Variants in FTO observed in about 807,000 individuals in gnomAD.
FTO encodes the protein FTO alpha-ketoglutarate dependent dioxygenase.
In FTO, 47 loss-of-function variants were observed where a neutral mutation model predicts 63.9. The observed-to-expected ratio is 0.74, with a 90% CI of 0.58 to 0.94. The LOEUF (loss-of-function observed/expected upper bound fraction) is 0.94, where lower values mean the gene tolerates loss of function less well. Among genes scored for constraint, FTO ranks in the 40% least tolerant of loss-of-function variants. The pLI, the probability that FTO is intolerant of heterozygous loss-of-function variation, is 0.00. For missense variants in FTO, 562 were observed against 618.1 expected, an observed-to-expected ratio of 0.91 and a Z score of 0.96; for synonymous variants, 207 against 224.4, an observed-to-expected ratio of 0.92 and a Z score of 0.69.
At chr16:53,901,311 A>G (rs578014788) in intron 7 of FTO, among the ~76,000 whole-genome samples, 110 of 152,252 alleles carry the variant, frequency 7.2e-4, no homozygotes, top group Non-Finnish European at 1.5e-3. Flanking sequence ...ACCACTTATG[A>G]TTCTCTTCCT....
intron 8 of FTO, among the ~76,000 whole-genome samples, chr16:54,057,934 C>T (rs929583307): frequency 1.3e-5 from 2 of 151,968 alleles, no homozygotes; most frequent in Admixed American, 1.3e-4. Context: ...GTGGTAAGAA[C>T]ACATCTCCAT....
rs2084700366 is a variant in FTO, at chr16:54,025,797, G to C, written c.1365-85965G>C. Among the ~76,000 whole-genome samples, 5 of 152,314 alleles carry C rather than the reference G, an allele frequency of 3.3e-5. 1 individual carries two copies. In the Middle Eastern group the frequency reaches 0.017, roughly 518 times the overall value. On this transcript the variant is annotated intron_variant, in intron 8 of 8. Coordinates refer to ENST00000471389, the MANE Select transcript of FTO (RefSeq NM_001080432.3). ...GGAGGCCAAGACAGGCGGATCACCTGAGGTCAGAAGTTTGACACCAGCCTG... is the reference window on the plus strand; with the variant it reads ...GGAGGCCAAGACAGGCGGATCACCTCAGGTCAGAAGTTTGACACCAGCCTG...
intron 7 of FTO, among the ~76,000 whole-genome samples, chr16:53,919,690 T>A (rs1443706858): frequency 6.6e-6 from 1 of 152,326 alleles, no homozygotes; most frequent in South Asian, 2.1e-4. Flanking sequence ...CACAGCAACC[T>A]GGATGGAATT....
intron 1 of FTO, among the ~76,000 whole-genome samples, chr16:53,734,943 TA>T (rs929852637): frequency 6.6e-6 from 1 of 152,242 alleles, no homozygotes; most frequent in Non-Finnish European, 1.5e-5. Flanking sequence ...TGGTCATTCC[TA>T]GTTGCAAGGG....
chr16:53,832,375 T>C (rs9934528), intron 3 of FTO, among the ~76,000 whole-genome samples: 54,926 of 152,176 alleles, frequency 0.36, 10,123 homozygotes, highest in African/African-American at 0.39. Flanking sequence ...AGTTTCCTTG[T>C]GCCCCTTTGC....
At chr16:53,911,652 C>G (rs1381804457) in intron 7 of FTO, among the ~76,000 whole-genome samples, 6 of 152,230 alleles carry the variant, frequency 3.9e-5, no homozygotes, top group African/African-American at 1.4e-4. Flanking sequence ...CATGTGGTAT[C>G]CCAGCTAGCT....
chr16:53,970,729 G>A (rs1159512273), intron 8 of FTO, among the ~76,000 whole-genome samples: 1 of 152,128 alleles, frequency 6.6e-6, no homozygotes, highest in Non-Finnish European at 1.5e-5. Context: ...ACAGAGGTGT[G>A]GGCCCAGGAT....
At chr16:53,770,210 C>G (rs776948152) in intron 1 of FTO, among the ~76,000 whole-genome samples, 9 of 152,148 alleles carry the variant, frequency 5.9e-5, no homozygotes, top group Non-Finnish European at 1.3e-4. Context: ...AAAGTTGTTA[C>G]AGTTTGTATG....
At chr16:53,713,247 TTTTCAA>T (rs1481067922) in intron 1 of FTO, among the ~76,000 whole-genome samples, 9 of 152,324 alleles carry the variant, frequency 5.9e-5, no homozygotes, top group African/African-American at 2.2e-4. Context: ...TCAACACTTG[TTTTCAA>T]GTGTTCTCTT....
chr16:53,813,447 C>T (rs1173085686), intron 2 of FTO, among the ~76,000 whole-genome samples: 1 of 152,012 alleles, frequency 6.6e-6, no homozygotes, highest in East Asian at 1.9e-4. Context: ...CCTGACCTCA[C>T]ATTATCCACC....
chr16:53,863,284 T>C (rs898660644), intron 4 of FTO, among the ~76,000 whole-genome samples: 30 of 152,214 alleles, frequency 2.0e-4, no homozygotes, highest in African/African-American at 6.5e-4. Context: ...TAATTTTGCA[T>C]AGTTCTGGCA....
intron 8 of FTO, among the ~76,000 whole-genome samples, chr16:54,092,343 A>G (rs541114608): frequency 1.3e-5 from 2 of 152,230 alleles, no homozygotes; most frequent in Admixed American, 1.3e-4. Flanking sequence ...ATAGTGAACT[A>G]AGGATCTCAA....
Position 53,975,095 on chromosome 16 carries a change from A to C in FTO, c.1364+40986A>C, listed in dbSNP as rs75000265. Among the ~76,000 whole-genome samples the C allele has an allele frequency of 1.3e-3, 202 of 152,162 alleles. 6 individuals carry two copies. In the East Asian group the frequency reaches 0.037, roughly 28 times the overall value. ...CTGAGGATGTTGTACTTTAGTTTTTATATAGAGCACATTGAAAACTTGGTA... is the reference window on the plus strand; with the variant it reads ...CTGAGGATGTTGTACTTTAGTTTTTCTATAGAGCACATTGAAAACTTGGTA... On this transcript the variant is annotated intron_variant, in intron 8 of 8. Transcript: ENST00000471389.
At chr16:53,730,343 A>G (rs576193210) in intron 1 of FTO, among the ~76,000 whole-genome samples, 1 of 152,038 alleles carries the variant, frequency 6.6e-6, no homozygotes, top group South Asian at 2.1e-4. Context: ...CCAACATGTG[A>G]TGTATCTTTT....
chr16:53,943,742 T>G (rs937673443), intron 8 of FTO, among the ~76,000 whole-genome samples: 1 of 152,236 alleles, frequency 6.6e-6, no homozygotes, highest in African/African-American at 2.4e-5. Flanking sequence ...AGATACACAG[T>G]TCTCTTTTCT....
intron 8 of FTO, among the ~76,000 whole-genome samples, chr16:53,978,134 C>G (rs970894607): frequency 2.0e-5 from 3 of 152,164 alleles, no homozygotes; most frequent in African/African-American, 7.2e-5. Context: ...ACTATTGTTT[C>G]ATTTTATGCA....
intron 7 of FTO, among the ~76,000 whole-genome samples, chr16:53,900,886 T>A (rs2081389052): frequency 6.6e-6 from 1 of 152,142 alleles, no homozygotes; most frequent in African/African-American, 2.4e-5. Flanking sequence ...GTTTGGTTTG[T>A]GTGAGTCCAG....
intron 7 of FTO, among the ~76,000 whole-genome samples, chr16:53,922,397 G>A (rs1336595967): frequency 2.0e-5 from 3 of 152,128 alleles, no homozygotes; most frequent in East Asian, 1.9e-4. Context: ...TAATGAATAC[G>A]CAGGCAAGTG....
At chr16:53,843,855 T>G (rs1387834365) in intron 3 of FTO, among the ~76,000 whole-genome samples, 1 of 152,130 alleles carries the variant, frequency 6.6e-6, no homozygotes, top group East Asian at 1.9e-4. Flanking sequence ...CTTGATTTCT[T>G]GCCCAGGCTG....
Sources: allele counts gnomAD v4.1 joint callset (sites outside exome capture counted in the v4.1 genomes callset), GRCh38; gene constraint gnomAD v4.1.1; transcripts MANE v1.5; gene names NCBI Gene and HGNC (gene_info 2026-07-23, HGNC 2026-07-21).